The following PHF6 variants were observed in gnomAD, a reference collection of about 807,000 sequenced individuals.
The protein encoded by PHF6 is PHD-like zinc finger protein.
In PHF6, 7 loss-of-function variants were observed where a neutral mutation model predicts 34.0. That is an observed-to-expected ratio of 0.21 (90% CI 0.12 to 0.39). The LOEUF (loss-of-function observed/expected upper bound fraction) is 0.39, where lower values mean the gene tolerates loss of function less well. PHF6 is among the 10% of genes least tolerant of loss of function. PHF6 has a pLI of 1.00. For synonymous variants in PHF6, 89 were observed against 88.4 expected (o/e 1.01, Z -0.04); for missense variants, 128 against 262.8 (o/e 0.49, Z 3.55).
In PHF6 at chrX:134,377,912, A is replaced by AG. The variant is rs2077285727; in HGVS notation, c.139-92dup. 4.4e-6 allele frequency: 4 copies of AG among 917,516 alleles called. No individual in the cohort carries two copies. The Admixed American group carries it at 1.1e-4, about 25-fold the overall frequency. The allele number at this position is 917,516 out of a possible 1,213,427, so 75.6% of individuals were successfully genotyped here. A position where few individuals can be genotyped will look rare whatever the true frequency, so the allele number is the denominator to read the frequency against. Reference sequence around the variant, plus strand: ...TCACTAATGCTATGCCATTTTTACTAGAAAATTACCATTTAAATTTGACAT... The same window carrying AG: ...TCACTAATGCTATGCCATTTTTACTAGGAAAATTACCATTTAAATTTGACAT... On this transcript the variant is annotated intron_variant, in intron 2 of 10. Transcript: ENST00000370803.
At chrX:134,417,387 C>A (rs779414328) in intron 9 of PHF6, 85 bp downstream of exon 9, 13 of 1,003,844 alleles carry the variant, frequency 1.3e-5, no homozygotes, top group Admixed American at 2.3e-5. Context: ...AGTCTCTGTT[C>A]TTAAATGGTG....
chrX:134,379,271 T>C (rs900303298), intron 3 of PHF6, among the ~76,000 whole-genome samples: 5 of 110,739 alleles, frequency 4.5e-5, no homozygotes, highest in African/African-American at 1.6e-4. Context: ...TAGTCTCAAA[T>C]CCTAGTATCA....
rs767454663 is a variant in PHF6, at chrX:134,425,873, G to A, written c.*213G>A. 1.7e-4 allele frequency: 30 copies of A among 172,239 alleles called. No individual in the cohort carries two copies. Among genetic ancestry groups the A allele is most frequent in the African/African-American group, 8.9e-4 (30 of 33,574 alleles). 14.2% of individuals were successfully genotyped at this position (172,239 alleles called of 1,213,427 possible). A position where few individuals can be genotyped will look rare whatever the true frequency, so the allele number is the denominator to read the frequency against. ...TGTTGATATTACGTAGCTATAGTTTGCAGTTTCTGGGAAGCAATTGAAACA... is the reference window on the plus strand; with the variant it reads ...TGTTGATATTACGTAGCTATAGTTTACAGTTTCTGGGAAGCAATTGAAACA... On this transcript the variant is annotated 3_prime_UTR_variant, in exon 11 of 11. Transcript: ENST00000370803.
chrX:134,387,277 T>A (rs2077336178), intron 3 of PHF6, among the ~76,000 whole-genome samples: 3 of 111,763 alleles, frequency 2.7e-5, no homozygotes, highest in Admixed American at 1.9e-4. Flanking sequence ...AATGCATAAT[T>A]TTTTTATTTG....
At chrX:134,415,722 C>G (rs1381574137) in intron 8 of PHF6, among the ~76,000 whole-genome samples, 1 of 111,181 alleles carries the variant, frequency 9.0e-6, no homozygotes, top group Non-Finnish European at 1.9e-5. Context: ...TTCAAACATA[C>G]CGCAATTGGA....
intron 1 of PHF6, 65 bp from the exon 2 acceptor site, chrX:134,377,507 T>C: frequency 1.1e-6 from 1 of 881,694 alleles, no homozygotes; most frequent in Non-Finnish European, 1.6e-6. Flanking sequence ...TTAACAACTT[T>C]CATGAATATG....
intron 5 of PHF6, among the ~76,000 whole-genome samples, chrX:134,406,871 G>A (rs928197457): frequency 1.8e-4 from 20 of 111,978 alleles, no homozygotes; most frequent in African/African-American, 4.6e-4. Context: ...CCTGTCACCC[G>A]TGCCCTTGTA....
intron 5 of PHF6, among the ~76,000 whole-genome samples, chrX:134,408,321 T>C (rs1022706526): frequency 1.8e-5 from 2 of 112,310 alleles, no homozygotes; most frequent in African/African-American, 3.2e-5. Flanking sequence ...AATATACTTA[T>C]GTACTTATAC....
intron 5 of PHF6, among the ~76,000 whole-genome samples, chrX:134,398,840 G>T (rs975506265): frequency 1.8e-5 from 2 of 111,690 alleles, no homozygotes; most frequent in African/African-American, 3.3e-5. Flanking sequence ...GCTAAGTGGG[G>T]ATATCAGAGA....
intron 3 of PHF6, among the ~76,000 whole-genome samples, chrX:134,381,730 A>T (rs2077308535): frequency 9.1e-6 from 1 of 109,892 alleles, no homozygotes; most frequent in African/African-American, 3.3e-5. Flanking sequence ...ACCTCAGGTG[A>T]TCTACCAGCC....
intron 5 of PHF6, among the ~76,000 whole-genome samples, chrX:134,410,336 A>T: frequency 9.0e-6 from 1 of 111,644 alleles, no homozygotes; most frequent in Non-Finnish European, 1.9e-5. Flanking sequence ...AGCCATTCTG[A>T]CTGATGTGAG....
chrX:134,414,282 A>T (rs1454675187), intron 7 of PHF6, among the ~76,000 whole-genome samples: 1 of 111,779 alleles, frequency 8.9e-6, no homozygotes, highest in Non-Finnish European at 1.9e-5. Flanking sequence ...CTTTATAAGC[A>T]TGTCATGAAA....
chrX:134,424,882 A>G (rs1043400772), intron 9 of PHF6, among the ~76,000 whole-genome samples: 4 of 112,158 alleles, frequency 3.6e-5, no homozygotes, highest in African/African-American at 1.3e-4. Context: ...TATTTCATCA[A>G]TATACCTGAA....
chrX:134,403,545 T>C (rs2077411368), intron 5 of PHF6, among the ~76,000 whole-genome samples: 1 of 112,475 alleles, frequency 8.9e-6, no homozygotes, highest in East Asian at 2.8e-4. Flanking sequence ...GAAACTATAC[T>C]GAGTTATACA....
chrX:134,407,768 T>G (rs571891507), intron 5 of PHF6, among the ~76,000 whole-genome samples: 8 of 110,715 alleles, frequency 7.2e-5, no homozygotes, highest in Middle Eastern at 4.6e-3. Context: ...GATCCAAGAT[T>G]CAAACTGAGG....
At position 134,400,226 on chromosome X, in the gene PHF6, G is replaced by A. The variant is rs557058808; in HGVS notation, c.418+6274G>A. ...CCTGAGTAGCTAGAACCACAGGCAT[G>A]TGCCACCACACCCGGCTAATTTTTT... On this transcript the variant is annotated intron_variant, in intron 5 of 10. Transcript: ENST00000370803. Among the ~76,000 whole-genome samples, 9 of 110,274 alleles carry A rather than the reference G, an allele frequency of 8.2e-5. No individual in the cohort carries two copies. The South Asian group carries it at 2.3e-3, about 29-fold the overall frequency.
intron 3 of PHF6, among the ~76,000 whole-genome samples, chrX:134,381,789 C>T (rs1468335130): frequency 9.0e-6 from 1 of 111,273 alleles, no homozygotes; most frequent in Non-Finnish European, 1.9e-5. Flanking sequence ...CCATGCCTGG[C>T]CCCTAATTGA....
At chrX:134,403,712 A>G (rs2077411808) in intron 5 of PHF6, among the ~76,000 whole-genome samples, 1 of 111,988 alleles carries the variant, frequency 8.9e-6, no homozygotes, top group Non-Finnish European at 1.9e-5. Flanking sequence ...AGACAGTCTG[A>G]GTCTTGTTAG....
chrX:134,378,154 T>A, intron 3 of PHF6, 48 bp downstream of exon 3: 1 of 864,736 alleles, frequency 1.2e-6, no homozygotes, highest in Non-Finnish European at 1.7e-6. Flanking sequence ...TTTAAACTCA[T>A]TAAAGAGGAA....
Sources: allele counts gnomAD v4.1 joint callset (sites outside exome capture counted in the v4.1 genomes callset), GRCh38; gene constraint gnomAD v4.1.1; transcripts MANE v1.5; gene names NCBI Gene and HGNC (gene_info 2026-07-23, HGNC 2026-07-21).